ELOVL4: variants seen among roughly 807,000 people sequenced by gnomAD.
The protein encoded by ELOVL4 is ELOVL fatty acid elongase 4, also known as very long chain fatty acid elongase 4.
Under a neutral mutation model 42.1 loss-of-function variants are expected in ELOVL4, and 18 were observed. The observed-to-expected ratio is 0.43, with a 90% CI of 0.30 to 0.63. The LOEUF is 0.63. Among genes scored for constraint, ELOVL4 ranks in the 30% least tolerant of loss-of-function variants. The probability of loss-of-function intolerance (pLI) is 0.15; values close to 1 mark genes in which losing one functional copy is unlikely to be tolerated. For missense variants in ELOVL4, 299 were observed against 376.2 expected (o/e 0.79, Z 1.70); for synonymous variants, 117 against 127.0 (o/e 0.92, Z 0.53).
chr6:79,946,136 C>T (rs1166958827), intron 1 of ELOVL4, among the ~76,000 whole-genome samples: 2 of 152,148 alleles, frequency 1.3e-5, no homozygotes, highest in African/African-American at 2.4e-5. Flanking sequence ...TAAGATGGAA[C>T]GTTAATATCC....
chr6:79,917,339 G>C (rs530420749), intron 5 of ELOVL4, among the ~76,000 whole-genome samples: 1 of 152,220 alleles, frequency 6.6e-6, no homozygotes, highest in East Asian at 1.9e-4. Flanking sequence ...GCCTAGGAGA[G>C]TAAAGTAATA....
chr6:79,920,744 T>C (rs1457786274), intron 4 of ELOVL4, among the ~76,000 whole-genome samples: 1 of 152,230 alleles, frequency 6.6e-6, no homozygotes, highest in Non-Finnish European at 1.5e-5. Context: ...ATCAACATTA[T>C]GCTGTACATG....
intron 1 of ELOVL4, among the ~76,000 whole-genome samples, chr6:79,940,511 C>T (rs1468760135): frequency 6.6e-6 from 1 of 152,076 alleles, no homozygotes; most frequent in Non-Finnish European, 1.5e-5. Flanking sequence ...GTAAAAAATG[C>T]TCATATATAA....
Position 79,926,286 on chromosome 6 carries a change from A to G in ELOVL4, c.196T>C (p.Trp66Arg). 6.2e-7 allele frequency: 1 copy of G among 1,614,042 alleles called. No individual in the cohort carries two copies. The highest frequency in any genetic ancestry group is 1.1e-5 in the South Asian group (1 of 91,084). ...TGAAAAGGTTCTCGGTCCTTCATCC[A>G]TTTTGGACCCAGCCACACAAACAGG... is the stretch of plus-strand genomic sequence containing the variant. ...YLLFVWLGPK[W>R]MKDREPFQMR... Residue 66 changes from tryptophan (W) to arginine (R), a missense_variant, in exon 2 of 6, where the codon TGG becomes CGG. Transcript: ENST00000369816.
In ELOVL4 at chr6:79,930,195, C is replaced by T. The variant is rs1209428555; in HGVS notation, c.101-3814G>A. ...CTTACTCCAGGGGAAAAAAGCAATG[C>T]CCTCACTTCTTTGCCCAACAATGCA... On this transcript the variant is annotated intron_variant, in intron 1 of 5. Coordinates refer to ENST00000369816, the MANE Select transcript of ELOVL4 (RefSeq NM_022726.4). 2.6e-5 allele frequency among the ~76,000 whole-genome samples: 4 copies of T among 152,268 alleles called. No individual in the cohort carries two copies. In the East Asian group the frequency reaches 7.7e-4, roughly 29 times the overall value.
chr6:79,941,841 T>C (rs1034957172), intron 1 of ELOVL4, among the ~76,000 whole-genome samples: 2 of 152,230 alleles, frequency 1.3e-5, no homozygotes, highest in Admixed American at 1.3e-4. Flanking sequence ...CAAATATATG[T>C]GATAATCTCT....
chr6:79,926,837 G>A (rs13207287), intron 1 of ELOVL4, among the ~76,000 whole-genome samples: 23,433 of 152,106 alleles, frequency 0.15, 2,072 homozygotes, highest in South Asian at 0.36. Context: ...AGGTACGTAC[G>A]GGGCGATGGT....
chr6:79,944,015 T>G (rs917653754), intron 1 of ELOVL4, among the ~76,000 whole-genome samples: 5 of 152,106 alleles, frequency 3.3e-5, no homozygotes, highest in African/African-American at 1.2e-4. Context: ...CAACAGCTAT[T>G]TAGAAACAAA....
chr6:79,919,381 G>T, intron 5 of ELOVL4, 39 bp downstream of exon 5: 2 of 1,607,336 alleles, frequency 1.2e-6, no homozygotes, highest in Non-Finnish European at 1.7e-6. Flanking sequence ...AACAATTTCA[G>T]TATTTTACCA....
At chr6:79,942,528 T>C (rs1448151862) in intron 1 of ELOVL4, among the ~76,000 whole-genome samples, 1 of 152,188 alleles carries the variant, frequency 6.6e-6, no homozygotes, top group Admixed American at 6.5e-5. Flanking sequence ...ACAGGTGACA[T>C]TATCCACAGG....
chr6:79,939,540 T>C (rs1774607788), intron 1 of ELOVL4, among the ~76,000 whole-genome samples: 1 of 151,158 alleles, frequency 6.6e-6, no homozygotes, highest in African/African-American at 2.4e-5. Context: ...TATTTATTTA[T>C]TGGGCCAGGA....
At chr6:79,945,906 G>T (rs544367712) in intron 1 of ELOVL4, among the ~76,000 whole-genome samples, 1 of 152,244 alleles carries the variant, frequency 6.6e-6, no homozygotes, top group East Asian at 1.9e-4. Context: ...GAGATCTTCT[G>T]AAAAAGAACA....
intron 1 of ELOVL4, among the ~76,000 whole-genome samples, chr6:79,926,842 G>A (rs892783880): frequency 6.6e-6 from 1 of 152,180 alleles, no homozygotes; most frequent in Non-Finnish European, 1.5e-5. Context: ...CGTACGGGGC[G>A]ATGGTAGCCA....
At chr6:79,931,207 T>A (rs1255716810) in intron 1 of ELOVL4, among the ~76,000 whole-genome samples, 1 of 152,190 alleles carries the variant, frequency 6.6e-6, no homozygotes, top group Non-Finnish European at 1.5e-5. Flanking sequence ...TATTAACATG[T>A]TTGTACCTTC....
intron 3 of ELOVL4, among the ~76,000 whole-genome samples, chr6:79,923,550 C>G (rs976418345): frequency 2.2e-4 from 33 of 152,188 alleles, no homozygotes; most frequent in Non-Finnish European, 4.6e-4. Flanking sequence ...TGAAGAGATT[C>G]TTTGGCAATA....
At chr6:79,917,284 A>T (rs1041977118) in intron 5 of ELOVL4, among the ~76,000 whole-genome samples, 1 of 152,176 alleles carries the variant, frequency 6.6e-6, no homozygotes, top group Non-Finnish European at 1.5e-5. Context: ...ATCAGGATCA[A>T]TGAATATGTG....
chr6:79,928,460 T>G (rs1253317059), intron 1 of ELOVL4, among the ~76,000 whole-genome samples: 5 of 152,202 alleles, frequency 3.3e-5, no homozygotes, highest in Non-Finnish European at 1.5e-5. Flanking sequence ...GGTCCAAACC[T>G]CTGCCAGAAA....
intron 1 of ELOVL4, among the ~76,000 whole-genome samples, chr6:79,943,216 C>A (rs920166325): frequency 3.3e-5 from 5 of 152,090 alleles, no homozygotes; most frequent in African/African-American, 1.2e-4. Flanking sequence ...ATACATGCTC[C>A]TCTGGGACCT....
At chr6:79,920,058 ATTAAT>A (rs1408971122) in intron 4 of ELOVL4, among the ~76,000 whole-genome samples, 4 of 152,334 alleles carry the variant, frequency 2.6e-5, no homozygotes, top group South Asian at 2.1e-4. Context: ...TTTTCAGAAT[ATTAAT>A]TTAATCAAGG....
Sources: allele counts gnomAD v4.1 joint callset (sites outside exome capture counted in the v4.1 genomes callset), GRCh38; gene constraint gnomAD v4.1.1; transcripts MANE v1.5; gene names NCBI Gene and HGNC (gene_info 2026-07-23, HGNC 2026-07-21).